Variants in CLEC12A observed in about 807,000 individuals in gnomAD.
CLEC12A encodes the protein C-type lectin domain family 12 member A, also known as C-type lectin protein CLL-1.
A neutral mutation model predicts 26.5 loss-of-function variants in CLEC12A; 22 were observed. The ratio of observed to expected loss-of-function variants is 0.83; its 90% CI spans 0.59 to 1.19. The LOEUF is 1.19. Ranked by LOEUF, CLEC12A falls within the 50% of genes most tolerant of loss-of-function variation. CLEC12A has a pLI of 0.00. For missense variants in CLEC12A, 353 were observed against 315.6 expected (o/e 1.12, Z -0.90); for synonymous variants, 119 against 101.9 (o/e 1.17, Z -1.01).
intron 1 of CLEC12A, among the ~76,000 whole-genome samples, chr12:9,973,514 G>C (rs1362985356): frequency 6.6e-6 from 1 of 151,990 alleles, no homozygotes; most frequent in Non-Finnish European, 1.5e-5. Context: ...AACAACTCCA[G>C]TTCTGGTTAA....
At chr12:9,991,538 T>G (rs1378157126) in intron 4 of CLEC12A, 2 of 152,160 alleles carry the variant, frequency 1.3e-5, no homozygotes, top group Non-Finnish European at 2.9e-5. Flanking sequence ...AAAAACATAC[T>G]GATACCATCA....
rs1249212640 is a variant in CLEC12A at position 9,952,171 on chromosome 12, GTCTCCC to G, written c.10+833_10+838del. On this transcript the variant is annotated intron_variant, in intron 1 of 6. Coordinates refer to the CLEC12A transcript ENST00000355690. Reference sequence around the variant, plus strand: ...CGTCTCCCTCTCCCTCTCCCTCTCCGTCTCCCTCTCCCTCTCCCTCTCCGTCTCCCT... The same window carrying G: ...CGTCTCCCTCTCCCTCTCCCTCTCCGTCTCCCTCTCCCTCTCCGTCTCCCT... 1.6e-3 allele frequency: 80 copies of G among 50,490 alleles called. 1 individual carries two copies. The highest frequency in any genetic ancestry group is 5.2e-3 in the African/African-American group (65 of 12,504). The allele number at this position is 50,490 out of a possible 1,614,324, so 3.1% of individuals were successfully genotyped here.
the CLEC12A span, among the ~76,000 whole-genome samples, chr12:10,003,760 A>T: frequency 6.6e-6 from 1 of 152,014 alleles, no homozygotes; most frequent in Non-Finnish European, 1.5e-5. Context: ...CCAAAAAAAT[A>T]CAAAACTTAG....
At chr12:9,971,732 A>G in intron 1 of CLEC12A, 45 bp downstream of exon 1, 2 of 1,551,076 alleles carry the variant, frequency 1.3e-6, no homozygotes, top group South Asian at 2.4e-5. Context: ...GTATAATAGA[A>G]GTGGTTATAG....
the CLEC12A span, among the ~76,000 whole-genome samples, chr12:10,002,735 C>T: frequency 6.6e-6 from 1 of 152,158 alleles, no homozygotes; most frequent in Non-Finnish European, 1.5e-5. Flanking sequence ...AGCCACCGCA[C>T]CCGGCAATTT....
At chr12:9,990,185 A>G (rs117030474), downstream of CLEC12A, among the ~76,000 whole-genome samples, 1,007 of 152,334 alleles carry the variant, frequency 6.6e-3, 2 homozygotes, top group Non-Finnish European at 1.0e-2. Flanking sequence ...ATCAAGGAGT[A>G]ATTTTGACTT....
Position 9,985,188 on chromosome 12 carries a change from T to C in CLEC12A, c.*162T>C. The C allele has an allele frequency of 1.4e-6, 1 of 723,156 alleles. No homozygotes were observed. The highest frequency in any genetic ancestry group is 2.0e-6 in the Non-Finnish European group (1 of 507,516). The allele number at this position is 723,156 out of a possible 1,614,324, so 44.8% of individuals were successfully genotyped here. Reference sequence around the variant, plus strand: ...GTAGCAAGCTTCAGAGAGAATAGACTGTGAATGTTAATGCCAGAGAGGTAT... The same window carrying C: ...GTAGCAAGCTTCAGAGAGAATAGACCGTGAATGTTAATGCCAGAGAGGTAT... On this transcript the variant is annotated 3_prime_UTR_variant, in exon 6 of 6. Coordinates refer to ENST00000304361, the MANE Select transcript of CLEC12A (RefSeq NM_138337.6).
chr12:9,959,772 G>C (rs763071169), intron 1 of CLEC12A, among the ~76,000 whole-genome samples: 3 of 152,140 alleles, frequency 2.0e-5, no homozygotes, highest in African/African-American at 4.8e-5. Context: ...CCTGGGAAAA[G>C]GTCTTGCCCC....
chr12:9,951,446 G>A, intron 1 of CLEC12A: 1 of 700,756 alleles, frequency 1.4e-6, no homozygotes, highest in South Asian at 1.5e-5. Context: ...GTTCAGCAAG[G>A]CCAACTGACG....
At chr12:9,988,233 T>G (rs1366269183), downstream of CLEC12A, among the ~76,000 whole-genome samples, 1 of 152,024 alleles carries the variant, frequency 6.6e-6, no homozygotes, top group East Asian at 1.9e-4. Flanking sequence ...TATACTGTTC[T>G]CATGTTAGAC....
At chr12:9,984,844 G>A (rs202219981) in intron 5 of CLEC12A, 26 bp from the exon 6 acceptor site, 29 of 1,420,396 alleles carry the variant, frequency 2.0e-5, no homozygotes, top group Middle Eastern at 1.8e-4. Flanking sequence ...GACTTGCCAA[G>A]TGTAATTCTT....
chr12:9,958,176 C>T (rs1169551361), intron 1 of CLEC12A, among the ~76,000 whole-genome samples: 1 of 152,186 alleles, frequency 6.6e-6, no homozygotes. Flanking sequence ...GCTTCCTGAA[C>T]CTTTACTAAA....
the CLEC12A span, among the ~76,000 whole-genome samples, chr12:10,003,089 A>G: frequency 1.6e-4 from 24 of 152,320 alleles, no homozygotes; most frequent in African/African-American, 5.8e-4. Context: ...AGTATTTTGC[A>G]ACTGGTGATA....
At chr12:9,989,879 T>G (rs1441529935), downstream of CLEC12A, among the ~76,000 whole-genome samples, 1 of 152,190 alleles carries the variant, frequency 6.6e-6, no homozygotes, top group African/African-American at 2.4e-5. Context: ...AAGCCAGTAG[T>G]CTTTTATCAT....
At chr12:9,962,070 T>C (rs891132211) in intron 1 of CLEC12A, among the ~76,000 whole-genome samples, 3 of 152,222 alleles carry the variant, frequency 2.0e-5, no homozygotes, top group African/African-American at 7.2e-5. Flanking sequence ...TAGTTTCTGC[T>C]GCTTCAGTTA....
chr12:9,992,778 A>G, intron 4 of CLEC12A: 1 of 167,576 alleles, frequency 6.0e-6, no homozygotes, highest in Non-Finnish European at 1.3e-5. Context: ...CAGATTTCAA[A>G]CATAGATATT....
At chr12:9,997,331 A>C, downstream of CLEC12A, 1 of 1,514,712 alleles carries the variant, frequency 6.6e-7, no homozygotes, top group Non-Finnish European at 9.0e-7. Context: ...CATAGAAATG[A>C]TGCAAAGGTC....
Position 9,979,405 on chromosome 12 carries a change from G to T in CLEC12A, c.260G>T (p.Arg87Ile). The T allele has an allele frequency of 1.2e-6, 2 of 1,611,470 alleles. No homozygotes were observed. The highest frequency in any genetic ancestry group is 8.5e-7 in the Non-Finnish European group (1 of 1,178,516). ...CAAAACATCAGTGAAGAGCTCCAGA[G>T]AAATATTTCTCTACAACTGATGAGT... The part of the protein sequence containing the change: ...KLQNISEELQ[R>I]NISLQLMSNM... The change falls in exon 3 of 6, where the codon AGA becomes ATA. Residue 87 changes from arginine to isoleucine, a missense_variant. By Grantham distance (97) the Arg-to-Ile change is moderately conservative. Transcript: ENST00000304361.
chr12:10,000,857 A>C, the CLEC12A span, among the ~76,000 whole-genome samples: 1 of 152,176 alleles, frequency 6.6e-6, no homozygotes, highest in African/African-American at 2.4e-5. Context: ...CCTGTCTTTC[A>C]CGTTCTTTTG....
Sources: gnomAD v4.1 joint callset for allele counts (sites outside exome capture counted in the v4.1 genomes callset) on GRCh38, gnomAD v4.1.1 for gene constraint, MANE v1.5 for transcripts, NCBI Gene and HGNC (gene_info 2026-07-23, HGNC 2026-07-21) for gene names.